The following MEI4 variants were observed in gnomAD, a reference collection of about 807,000 sequenced individuals.
MEI4 encodes the protein meiotic double-stranded break formation protein 4, also known as meiosis-specific protein MEI4.
In MEI4, 27 loss-of-function variants were observed where a neutral mutation model predicts 31.4. The ratio of observed to expected loss-of-function variants is 0.86; its 90% CI spans 0.63 to 1.19. MEI4 has a LOEUF of 1.19. Among genes scored for constraint, MEI4 ranks in the 50% most tolerant of loss-of-function variants. The probability of loss-of-function intolerance (pLI) is 0.00; values close to 1 mark genes in which losing one functional copy is unlikely to be tolerated. For missense variants in MEI4, 329 were observed against 398.9 expected, an observed-to-expected ratio of 0.82 and a Z score of 1.49; for synonymous variants, 122 against 145.4, an observed-to-expected ratio of 0.84 and a Z score of 1.16.
At chr6:77,798,218 AAAG>A (rs1345265134) in intron 3 of MEI4, among the ~76,000 whole-genome samples, 1 of 151,852 alleles carries the variant, frequency 6.6e-6, no homozygotes, top group Non-Finnish European at 1.5e-5. Context: ...TTGATGCAAA[AAAG>A]GTAGTAAAGA....
chr6:77,674,209 C>G (rs922752739), intron 1 of MEI4, among the ~76,000 whole-genome samples: 1 of 152,074 alleles, frequency 6.6e-6, no homozygotes, highest in African/African-American at 2.4e-5. Context: ...TATTCAAATT[C>G]TATGTTTAGG....
At chr6:77,772,240 CCAGA>C (rs1480890560) in intron 3 of MEI4, among the ~76,000 whole-genome samples, 1 of 130,670 alleles carries the variant, frequency 7.7e-6, no homozygotes, top group African/African-American at 3.2e-5. Context: ...GAAAGCAAAA[CCAGA>C]CAAAGACACA....
At chr6:77,733,775 A>G (rs1767089460) in intron 2 of MEI4, among the ~76,000 whole-genome samples, 1 of 151,912 alleles carries the variant, frequency 6.6e-6, no homozygotes, top group Non-Finnish European at 1.5e-5. Context: ...AGTGCTATAA[A>G]TTTCCCTCTA....
intron 4 of MEI4, among the ~76,000 whole-genome samples, chr6:77,852,948 C>T (rs1266207885): frequency 6.6e-6 from 1 of 152,120 alleles, no homozygotes; most frequent in African/African-American, 2.4e-5. Context: ...TGTGTAATCC[C>T]AGCACTTTGG....
intron 3 of MEI4, among the ~76,000 whole-genome samples, chr6:77,806,615 A>G (rs1769447694): frequency 6.6e-6 from 1 of 152,128 alleles, no homozygotes; most frequent in South Asian, 2.1e-4. Context: ...ATGGTGATGT[A>G]AAAAATAAAA....
At chr6:77,854,655 C>T (rs1186761443) in intron 4 of MEI4, among the ~76,000 whole-genome samples, 1 of 152,118 alleles carries the variant, frequency 6.6e-6, no homozygotes, top group Non-Finnish European at 1.5e-5. Context: ...CCATTTGTGT[C>T]TGGCTTGTGA....
intron 3 of MEI4, among the ~76,000 whole-genome samples, chr6:77,813,903 A>C (rs770819296): frequency 2.0e-5 from 3 of 152,234 alleles, no homozygotes; most frequent in Non-Finnish European, 4.4e-5. Flanking sequence ...TTTAATGTAC[A>C]TCAATGATGA....
At chr6:77,744,363 G>A (rs531153687) in intron 2 of MEI4, among the ~76,000 whole-genome samples, 1 of 152,038 alleles carries the variant, frequency 6.6e-6, no homozygotes, top group South Asian at 2.1e-4. Context: ...GGAAGAAAGG[G>A]TATCAGTGAT....
At chr6:77,841,147 T>C (rs1177308862) in intron 4 of MEI4, among the ~76,000 whole-genome samples, 2 of 151,508 alleles carry the variant, frequency 1.3e-5, no homozygotes, top group African/African-American at 4.8e-5. Context: ...TAAAAACATA[T>C]ATGCTGATGA....
intron 2 of MEI4, among the ~76,000 whole-genome samples, chr6:77,695,733 A>T (rs1289159128): frequency 1.3e-5 from 2 of 152,122 alleles, no homozygotes; most frequent in African/African-American, 4.8e-5. Context: ...CTTAGGATTG[A>T]CTTGGCAATG....
At chr6:77,838,461 T>C (rs1176114963) in intron 4 of MEI4, among the ~76,000 whole-genome samples, 2 of 152,194 alleles carry the variant, frequency 1.3e-5, no homozygotes, top group African/African-American at 4.8e-5. Flanking sequence ...TGATTTATAA[T>C]TTTGCCTTTG....
intron 3 of MEI4, among the ~76,000 whole-genome samples, chr6:77,799,662 A>G (rs1769189979): frequency 6.6e-6 from 1 of 152,096 alleles, no homozygotes; most frequent in Non-Finnish European, 1.5e-5. Context: ...TCTTGAATTA[A>G]TTTTTGTATA....
chr6:77,906,216 T>C (rs1293915420), intron 4 of MEI4, among the ~76,000 whole-genome samples: 4 of 152,194 alleles, frequency 2.6e-5, no homozygotes, highest in African/African-American at 9.6e-5. Context: ...TATCGTGGTC[T>C]TTGTGGTGAT....
At chr6:77,875,039 C>G (rs1042516097) in intron 4 of MEI4, among the ~76,000 whole-genome samples, 1 of 152,068 alleles carries the variant, frequency 6.6e-6, no homozygotes. Context: ...TGTACATGGA[C>G]CTGGTCATCT....
chr6:77,883,719 T>TAG (rs1034247587), intron 4 of MEI4, among the ~76,000 whole-genome samples: 13 of 133,538 alleles, frequency 9.7e-5, no homozygotes, highest in South Asian at 2.3e-4. Context: ...TTATGTAAGA[T>TAG]ATATATATAT....
chr6:77,825,988 A>G (rs1050046252), intron 3 of MEI4, among the ~76,000 whole-genome samples: 4 of 152,198 alleles, frequency 2.6e-5, no homozygotes, highest in African/African-American at 2.4e-5. Flanking sequence ...TATATTGGCC[A>G]TTGGCTGGGA....
intron 1 of MEI4, among the ~76,000 whole-genome samples, chr6:77,665,260 G>A (rs993613913): frequency 6.6e-5 from 10 of 151,402 alleles, no homozygotes; most frequent in African/African-American, 1.2e-4. Context: ...GTAGGGGTGC[G>A]GAAATAAGGG....
intron 1 of MEI4, among the ~76,000 whole-genome samples, chr6:77,655,995 A>G (rs1768387685): frequency 6.6e-6 from 1 of 152,150 alleles, no homozygotes. Context: ...ATGAAAGTCC[A>G]ATTTACTTTT....
chr6:77,840,428 A>G (rs1468687095), intron 4 of MEI4, among the ~76,000 whole-genome samples: 1 of 152,178 alleles, frequency 6.6e-6, no homozygotes, highest in Non-Finnish European at 1.5e-5. Flanking sequence ...AATTTGTGAC[A>G]AAAGTATATT....
Sources: gnomAD v4.1 joint callset for allele counts (sites outside exome capture counted in the v4.1 genomes callset) on GRCh38, gnomAD v4.1.1 for gene constraint, MANE v1.5 for transcripts, NCBI Gene and HGNC (gene_info 2026-07-23, HGNC 2026-07-21) for gene names.